The following SNX29 variants were observed in gnomAD, a reference collection of about 807,000 sequenced individuals.
SNX29 encodes the protein sorting nexin 29.
SNX29 carries 78 observed loss-of-function variants against 102.1 expected under a neutral mutation model. The ratio of observed to expected loss-of-function variants is 0.76; its 90% CI spans 0.64 to 0.92. The LOEUF (loss-of-function observed/expected upper bound fraction) is 0.92. SNX29 is among the 40% of genes least tolerant of loss of function. The probability of loss-of-function intolerance (pLI) is 0.00; values close to 1 mark genes in which losing one functional copy is unlikely to be tolerated. For missense variants in SNX29, 1,280 were observed against 1,061.7 expected, an observed-to-expected ratio of 1.21 and a Z score of -2.86; for synonymous variants, 580 against 414.5, an observed-to-expected ratio of 1.40 and a Z score of -4.85.
At position 12,365,326 on chromosome 16, in the gene SNX29, TTGTGTGTGTG is replaced by T. The variant is rs58869867; in HGVS notation, c.1899+9077_1899+9086del. On this transcript the variant is annotated intron_variant, in intron 16 of 20. Coordinates refer to ENST00000566228, the MANE Select transcript of SNX29 (RefSeq NM_032167.5). ...TCCTTCTCACTTCATACATCAGGAT[TTGTGTGTGTG>T]TGTGTGTGTGTGTGTGTGTGTGTGT... Among the ~76,000 whole-genome samples the T allele has an allele frequency of 4.4e-3, 621 of 139,864 alleles. 5 individuals are homozygous for T. Among genetic ancestry groups the T allele is most frequent in the African/African-American group, 0.014 (521 of 36,966 alleles). The allele number at this position is 139,864 out of a possible 152,430, so 91.8% of individuals were successfully genotyped here.
intron 18 of SNX29, among the ~76,000 whole-genome samples, chr16:12,439,116 C>T (rs1339659222): frequency 2.6e-5 from 4 of 152,334 alleles, no homozygotes; most frequent in Non-Finnish European, 5.9e-5. Flanking sequence ...GCCAGTCTTT[C>T]CCAGAGGCCC....
chr16:12,547,594 C>G (rs923062715), intron 20 of SNX29, among the ~76,000 whole-genome samples: 27 of 152,204 alleles, frequency 1.8e-4, no homozygotes, highest in African/African-American at 6.0e-4. Context: ...TAAATACACC[C>G]CCACGAAGTC....
At chr16:12,558,679 C>G (rs1307554084) in intron 20 of SNX29, among the ~76,000 whole-genome samples, 2 of 152,218 alleles carry the variant, frequency 1.3e-5, no homozygotes, top group African/African-American at 2.4e-5. Context: ...GTCCTTGTGG[C>G]TGGGATTTGA....
chr16:12,507,470 A>G lies in SNX29; in HGVS notation c.2179-17232A>G, dbSNP rs186066466. Among the ~76,000 whole-genome samples, 117 of 152,322 alleles carry G rather than the reference A, an allele frequency of 7.7e-4. 1 individual carries two copies. Among genetic ancestry groups the G allele is most frequent in the Admixed American group, 3.7e-3 (57 of 15,300 alleles). ...GAGCTAGCTGCTGTAACAGATTTCAATGCCAGACTCTGTTTCTTGTTGATG... is the reference window on the plus strand; with the variant it reads ...GAGCTAGCTGCTGTAACAGATTTCAGTGCCAGACTCTGTTTCTTGTTGATG... On this transcript the variant is annotated intron_variant, in intron 19 of 20. Coordinates refer to ENST00000566228, the MANE Select transcript of SNX29 (RefSeq NM_032167.5).
chr16:12,409,229 A>T (rs1022224998), intron 18 of SNX29, among the ~76,000 whole-genome samples: 1 of 152,248 alleles, frequency 6.6e-6, no homozygotes, highest in Non-Finnish European at 1.5e-5. Context: ...AACAAAATTA[A>T]ACTCAATCCA....
intron 6 of SNX29, 97 bp from the exon 7 acceptor site, chr16:12,048,275 T>C (rs569023843): frequency 6.4e-7 from 1 of 1,569,032 alleles, no homozygotes; most frequent in South Asian, 1.1e-5. Context: ...TCAACGTGCC[T>C]CCTCTTCTGT....
chr16:12,119,236 G>A (rs2053872224), intron 11 of SNX29, among the ~76,000 whole-genome samples: 1 of 152,196 alleles, frequency 6.6e-6, no homozygotes, highest in African/African-American at 2.4e-5. Flanking sequence ...TCGTCCCACT[G>A]TACCCTGTGA....
intron 16 of SNX29, among the ~76,000 whole-genome samples, chr16:12,389,670 G>A (rs2083455358): frequency 1.3e-5 from 2 of 152,132 alleles, no homozygotes; most frequent in South Asian, 4.1e-4. Context: ...AACCCTTTAA[G>A]AAGAACTCCT....
At chr16:12,436,800 C>G (rs1224841603) in intron 18 of SNX29, among the ~76,000 whole-genome samples, 2 of 152,230 alleles carry the variant, frequency 1.3e-5, no homozygotes, top group Non-Finnish European at 2.9e-5. Flanking sequence ...ATTACAGGTG[C>G]CTGCCACCAT....
In SNX29 at chr16:12,048,498, A is replaced by G. The variant is rs2050176731; in HGVS notation, c.626A>G (p.Glu209Gly). The change falls in exon 7 of 21, where the codon GAG (glutamate) becomes GGG (glycine). Residue 209 changes from glutamate to glycine, a missense_variant. Coordinates refer to ENST00000566228, the MANE Select transcript of SNX29 (RefSeq NM_032167.5). ...CAGAACGTGACCTCCTTGCTGAAGG[A>G]GTCCACGCAAGGAGTGAGCAGCCTG... ...STQNVTSLLKESTQGVSSLFR... is the reference protein window; with the variant it reads ...STQNVTSLLKGSTQGVSSLFR... The G allele has an allele frequency of 6.2e-7, 1 of 1,613,930 alleles. No homozygotes were observed. The highest frequency in any genetic ancestry group is 1.1e-5 in the South Asian group (1 of 91,068).
chr16:12,569,321 C>CCT lies in SNX29; in HGVS notation c.*694_*695dup, dbSNP rs2079135645. ...GGCTGGCTTCAGGAAGGACCAGTGCCCTCCATAGCCTGAGGCCACCTAGGC... is the reference window on the plus strand; with the variant it reads ...GGCTGGCTTCAGGAAGGACCAGTGCCCTCTCCATAGCCTGAGGCCACCTAGGC... On this transcript the variant is annotated 3_prime_UTR_variant, in exon 21 of 21. Transcript: ENST00000566228. 1 of 229,662 alleles carries CCT rather than the reference C, an allele frequency of 4.4e-6. No individual in the cohort carries two copies. Among genetic ancestry groups the CCT allele is most frequent in the African/African-American group, 2.2e-5 (1 of 45,084 alleles). 14.2% of individuals were successfully genotyped at this position (229,662 alleles called of 1,614,324 possible).
At chr16:12,071,137 G>A (rs2051278660) in intron 10 of SNX29, among the ~76,000 whole-genome samples, 1 of 151,398 alleles carries the variant, frequency 6.6e-6, no homozygotes, top group Non-Finnish European at 1.5e-5. Context: ...CACTCTGATG[G>A]TAGTTTCTTT....
intron 20 of SNX29, among the ~76,000 whole-genome samples, chr16:12,528,493 C>G (rs1425497390): frequency 6.6e-6 from 1 of 152,206 alleles, no homozygotes; most frequent in Non-Finnish European, 1.5e-5. Context: ...AGCCACCACC[C>G]CCAGCCTAGC....
intron 15 of SNX29, among the ~76,000 whole-genome samples, chr16:12,333,563 C>G (rs1023979584): frequency 2.0e-5 from 3 of 152,134 alleles, no homozygotes; most frequent in African/African-American, 7.2e-5. Context: ...GTTCATTCAA[C>G]AACATTTATC....
At chr16:12,493,362 T>C (rs1041849066) in intron 19 of SNX29, among the ~76,000 whole-genome samples, 2 of 152,244 alleles carry the variant, frequency 1.3e-5, no homozygotes, top group Non-Finnish European at 2.9e-5. Context: ...ATAAGAATGC[T>C]TGTGATTTTT....
In SNX29 at chr16:12,236,792, G is replaced by A. The variant is rs535831672; in HGVS notation, c.1678+37109G>A. ...GTCTGAGCACTCGTCACATGCTTCG[G>A]TGATCAAGCATTTGGTCATCCGTCC... On this transcript the variant is annotated intron_variant, in intron 14 of 20. Transcript: ENST00000566228. Among the ~76,000 whole-genome samples the A allele has an allele frequency of 3.9e-5, 6 of 152,224 alleles. No homozygotes were observed. In the East Asian group the frequency reaches 1.2e-3, roughly 29 times the overall value.
chr16:12,333,312 G>C (rs1321827207), intron 15 of SNX29, among the ~76,000 whole-genome samples: 2 of 151,772 alleles, frequency 1.3e-5, no homozygotes, highest in African/African-American at 4.8e-5. Context: ...TCACCATATT[G>C]GTCAGGCTCG....
chr16:12,384,454 C>T (rs967110562), intron 16 of SNX29, among the ~76,000 whole-genome samples: 3 of 152,056 alleles, frequency 2.0e-5, no homozygotes, highest in African/African-American at 2.4e-5. Flanking sequence ...TTTTGATCTG[C>T]GTTTCTGTGA....
chr16:11,987,312 C>T (rs2055669755), intron 1 of SNX29, among the ~76,000 whole-genome samples: 1 of 152,012 alleles, frequency 6.6e-6, no homozygotes, highest in Non-Finnish European at 1.5e-5. Context: ...CCAAGCAGCC[C>T]TCCCACCTTG....
Sources: allele counts gnomAD v4.1 joint callset (sites outside exome capture counted in the v4.1 genomes callset), GRCh38; gene constraint gnomAD v4.1.1; transcripts MANE v1.5; gene names NCBI Gene and HGNC (gene_info 2026-07-23, HGNC 2026-07-21).